TCAF1: variants seen among roughly 807,000 people sequenced by gnomAD.
TCAF1 encodes the protein TRPM8 channel-associated factor 1.
Under a neutral mutation model 27.3 loss-of-function variants are expected in TCAF1, and 4 were observed. The ratio of observed to expected loss-of-function variants is 0.15; its 90% CI spans 0.07 to 0.34. The LOEUF is 0.34. Among genes scored for constraint, TCAF1 ranks in the 10% least tolerant of loss-of-function variants. The pLI, the probability that TCAF1 is intolerant of heterozygous loss-of-function variation, is 1.00. For missense variants in TCAF1, 257 were observed against 425.8 expected (o/e 0.60, Z 3.49); for synonymous variants, 105 against 167.1 (o/e 0.63, Z 2.87).
intron 1 of TCAF1, among the ~76,000 whole-genome samples, chr7:143,895,447 G>A (rs935569613): frequency 2.0e-5 from 3 of 151,812 alleles, no homozygotes; most frequent in Non-Finnish European, 4.4e-5. Flanking sequence ...ATCAAGATTG[G>A]ACCAATATAT....
rs114564525 is a variant in TCAF1, at chr7:143,884,360, A to G, written c.-14-7738T>C. 4.5e-3 allele frequency among the ~76,000 whole-genome samples: 692 copies of G among 152,240 alleles called. 3 individuals carry two copies. Among genetic ancestry groups the G allele is most frequent in the African/African-American group, 0.015 (608 of 41,552 alleles). Reference sequence around the variant, plus strand: ...GTGAGCTCCGCGGCAGGTTTTATGTAAAGGAAATGGCAGGGAGAGAAATCA... The same window carrying G: ...GTGAGCTCCGCGGCAGGTTTTATGTGAAGGAAATGGCAGGGAGAGAAATCA... On this transcript the variant is annotated intron_variant, in intron 1 of 8. Coordinates refer to ENST00000479870, the MANE Select transcript of TCAF1 (RefSeq NM_014719.3).
intron 1 of TCAF1, among the ~76,000 whole-genome samples, chr7:143,877,668 T>C (rs1586770776): frequency 1.3e-5 from 2 of 152,340 alleles, no homozygotes; most frequent in South Asian, 4.1e-4. Flanking sequence ...AGCACTGTAC[T>C]GAAACACTTC....
chr7:143,898,983 C>T (rs2116876948), intron 1 of TCAF1, among the ~76,000 whole-genome samples: 1 of 152,262 alleles, frequency 6.6e-6, no homozygotes, highest in Middle Eastern at 3.4e-3. Context: ...TGGAATGACA[C>T]AGTAAGAAGG....
At chr7:143,883,651 G>A (rs750370319) in intron 1 of TCAF1, among the ~76,000 whole-genome samples, 1 of 151,782 alleles carries the variant, frequency 6.6e-6, no homozygotes. Context: ...GATTACAGGC[G>A]CCCGCCATCA....
chr7:143,878,516 A>C (rs1400281158), intron 1 of TCAF1, among the ~76,000 whole-genome samples: 1 of 152,230 alleles, frequency 6.6e-6, no homozygotes, highest in East Asian at 1.9e-4. Flanking sequence ...CTGGCCATTT[A>C]TAGCCAGTCT....
intron 1 of TCAF1, among the ~76,000 whole-genome samples, chr7:143,877,754 A>T (rs1586770885): frequency 6.6e-6 from 1 of 152,350 alleles, no homozygotes; most frequent in South Asian, 2.1e-4. Context: ...GCAGCACAGG[A>T]CATCACTGCT....
At chr7:143,890,646 A>G (rs1295781639) in intron 1 of TCAF1, among the ~76,000 whole-genome samples, 8 of 152,194 alleles carry the variant, frequency 5.3e-5, no homozygotes, top group African/African-American at 1.9e-4. Context: ...TATATTCGCT[A>G]TTGCTTTTTA....
intron 1 of TCAF1, among the ~76,000 whole-genome samples, chr7:143,887,678 ATCCACCCTGC>A (rs1813474136): frequency 6.6e-6 from 1 of 152,118 alleles, no homozygotes; most frequent in Non-Finnish European, 1.5e-5. Flanking sequence ...CTCAGCTCTA[ATCCACCCTGC>A]TCTCTATCAG....
At chr7:143,885,783 T>C (rs77680718) in intron 1 of TCAF1, among the ~76,000 whole-genome samples, 3,308 of 152,236 alleles carry the variant, frequency 0.022, 133 homozygotes, top group African/African-American at 0.074. Context: ...TATGTACTTA[T>C]ATAAACACAG....
In TCAF1 at chr7:143,860,036, TAA is replaced by T. The variant is rs1811929742; in HGVS notation, c.2167+170_2167+171del. ...TAATATATATTATATATTATATATA[TAA>T]TATATAATATATATTATATATATTT... On this transcript the variant is annotated intron_variant, in intron 6 of 8. Coordinates refer to ENST00000479870, the MANE Select transcript of TCAF1 (RefSeq NM_014719.3). Among the ~76,000 whole-genome samples the T allele has an allele frequency of 1.2e-4, 9 of 74,378 alleles. No homozygotes were observed. The South Asian group carries it at 2.4e-3, about 20-fold the overall frequency. 48.8% of individuals were successfully genotyped at this position (74,378 alleles called of 152,430 possible).
Position 143,876,129 on chromosome 7 carries a change from C to A in TCAF1, c.480G>T (p.Gln160His), listed in dbSNP as rs770632783. The change falls in exon 2 of 9, where the codon CAG becomes CAT. Residue 160 changes from glutamine to histidine, a missense_variant. Gln to His is a conservative substitution (Grantham distance 24). Around this residue, in one of 2 missense-constraint regions of TCAF1, gnomAD observed 255 missense variants for 260.1 expected, o/e 0.98. Coordinates refer to ENST00000479870, the MANE Select transcript of TCAF1 (RefSeq NM_014719.3). ...IGGQAWDWAN[Q>H]GEDERVLFTF... is the part of the protein sequence containing the mutation. Reference sequence around the variant, plus strand: ...TGAACAGAACCCTTTCATCCTCCCCCTGGTTGGCCCAATCCCAGGCTTGTC... The same window carrying A: ...TGAACAGAACCCTTTCATCCTCCCCATGGTTGGCCCAATCCCAGGCTTGTC... 7 of 1,614,220 alleles carry A rather than the reference C, an allele frequency of 4.3e-6. No individual in the cohort carries two copies. Among genetic ancestry groups the A allele is most frequent in the South Asian group, 1.1e-5 (1 of 91,086 alleles).
At chr7:143,897,458 T>A (rs1433899088) in intron 1 of TCAF1, among the ~76,000 whole-genome samples, 1 of 152,032 alleles carries the variant, frequency 6.6e-6, no homozygotes, top group African/African-American at 2.4e-5. Flanking sequence ...GTTAATCAAC[T>A]GCTTATGTTA....
chr7:143,897,073 G>A (rs997167933), intron 1 of TCAF1, among the ~76,000 whole-genome samples: 1 of 141,976 alleles, frequency 7.0e-6, no homozygotes, highest in Non-Finnish European at 1.5e-5. Flanking sequence ...ATAGATAATG[G>A]AAAGATTTAT....
chr7:143,852,441 C>T lies in TCAF1; in HGVS notation c.*1692G>A, dbSNP rs1475202355. On this transcript the variant is annotated 3_prime_UTR_variant, in exon 9 of 9. Coordinates refer to ENST00000479870, the MANE Select transcript of TCAF1 (RefSeq NM_014719.3). ...TATGGATCCCATTTCTTCTTCTTTCCTGGTTTTCATCCTCATTTTGCTGGA... is the reference window on the plus strand; with the variant it reads ...TATGGATCCCATTTCTTCTTCTTTCTTGGTTTTCATCCTCATTTTGCTGGA... 6.5e-6 allele frequency: 1 copy of T among 152,728 alleles called. No homozygotes were observed. Among genetic ancestry groups the T allele is most frequent in the African/African-American group, 2.4e-5 (1 of 41,430 alleles). The allele number at this position is 152,728 out of a possible 1,614,324, so 9.5% of individuals were successfully genotyped here.
intron 1 of TCAF1, among the ~76,000 whole-genome samples, chr7:143,900,426 G>A (rs898148467): frequency 2.0e-5 from 3 of 152,068 alleles, no homozygotes; most frequent in African/African-American, 7.2e-5. Context: ...TTTATACAGA[G>A]GCCCATGTGG....
intron 1 of TCAF1, among the ~76,000 whole-genome samples, chr7:143,899,775 G>T (rs192210113): frequency 6.6e-6 from 1 of 152,156 alleles, no homozygotes; most frequent in Admixed American, 6.5e-5. Flanking sequence ...ATTATATAAA[G>T]AAAGCATTCC....
At chr7:143,883,291 TG>T (rs1368567512) in intron 1 of TCAF1, among the ~76,000 whole-genome samples, 1 of 152,136 alleles carries the variant, frequency 6.6e-6, no homozygotes, top group Admixed American at 6.5e-5. Context: ...ATTTGTATTA[TG>T]GTGGGGAGAA....
intron 8 of TCAF1, among the ~76,000 whole-genome samples, chr7:143,854,347 C>G (rs1811460357): frequency 6.8e-6 from 1 of 147,266 alleles, no homozygotes; most frequent in Non-Finnish European, 1.5e-5. Context: ...TCTCTGAGAA[C>G]ATGCAGTGTT....
rs779164638 is a variant in TCAF1, at chr7:143,876,102, C to A, written c.507G>T (p.Thr169=). ...NQGEDERVLF[T]FPGNLVTSVA... ...CACTGGTCACGAGGTTCCCAGGGAACGTGAACAGAACCCTTTCATCCTCCC... is the reference window on the plus strand; with the variant it reads ...CACTGGTCACGAGGTTCCCAGGGAAAGTGAACAGAACCCTTTCATCCTCCC... The change falls in exon 2 of 9, where the codon ACG becomes ACT. Residue 169 remains threonine (T), a synonymous_variant. Coordinates refer to ENST00000479870, the MANE Select transcript of TCAF1 (RefSeq NM_014719.3). 2 of 1,614,076 alleles carry A rather than the reference C, an allele frequency of 1.2e-6. No individual in the cohort carries two copies. Among genetic ancestry groups the A allele is most frequent in the South Asian group, 1.1e-5 (1 of 91,076 alleles).
Sources: allele counts gnomAD v4.1 joint callset (sites outside exome capture counted in the v4.1 genomes callset), GRCh38; gene constraint gnomAD v4.1.1; regional missense constraint gnomAD v4.1.1; transcripts MANE v1.5; gene names NCBI Gene and HGNC (gene_info 2026-07-23, HGNC 2026-07-21).